The following MAGI2 variants were observed in gnomAD, a reference collection of about 807,000 sequenced individuals.
The protein encoded by MAGI2 is membrane associated guanylate kinase, WW and PDZ domain containing 2, also known as membrane-associated guanylate kinase, WW and PDZ domain-containing protein 2.
MAGI2 carries 35 observed loss-of-function variants against 133.3 expected under a neutral mutation model. That is an observed-to-expected ratio of 0.26 (90% CI 0.20 to 0.35). The LOEUF (loss-of-function observed/expected upper bound fraction) is 0.35. Among genes scored for constraint, MAGI2 ranks in the 10% least tolerant of loss-of-function variants. The probability of loss-of-function intolerance (pLI) is 1.00; values close to 1 mark genes in which losing one functional copy is unlikely to be tolerated. For synonymous variants in MAGI2, 729 were observed against 710.6 expected, an observed-to-expected ratio of 1.03 and a Z score of -0.41; for missense variants, 1,636 against 1,863.4, an observed-to-expected ratio of 0.88 and a Z score of 2.25.
chr7:78,797,039 A>G (rs1450580478), intron 2 of MAGI2, among the ~76,000 whole-genome samples: 3 of 152,146 alleles, frequency 2.0e-5, no homozygotes, highest in African/African-American at 7.2e-5. Context: ...ACAGTTAGAT[A>G]GAAGGAATAA....
At chr7:78,186,703 A>C (rs1163423975) in intron 12 of MAGI2, among the ~76,000 whole-genome samples, 2 of 152,204 alleles carry the variant, frequency 1.3e-5, no homozygotes, top group Non-Finnish European at 2.9e-5. Flanking sequence ...ACTATCTCAC[A>C]AGAAACTCTT....
chr7:79,278,133 C>G (rs1835369789), intron 1 of MAGI2, among the ~76,000 whole-genome samples: 1 of 152,136 alleles, frequency 6.6e-6, no homozygotes, highest in South Asian at 2.1e-4. Context: ...TGCACCATCT[C>G]CTTGGTGATG....
At chr7:79,130,896 C>T (rs901014883) in intron 1 of MAGI2, among the ~76,000 whole-genome samples, 1 of 143,448 alleles carries the variant, frequency 7.0e-6, no homozygotes, top group South Asian at 2.2e-4. Context: ...TGAAGAAAGT[C>T]ACCAATTCAT....
chr7:78,708,725 T>C (rs1818889508), intron 2 of MAGI2, among the ~76,000 whole-genome samples: 1 of 152,126 alleles, frequency 6.6e-6, no homozygotes, highest in African/African-American at 2.4e-5. Context: ...TCCTAAGTGG[T>C]AAGCTCACCC....
chr7:79,062,815 A>G (rs17151909), intron 1 of MAGI2, among the ~76,000 whole-genome samples: 2,809 of 152,196 alleles, frequency 0.018, 92 homozygotes, highest in African/African-American at 0.064. Context: ...TGATGAGTGC[A>G]ATGAGGAAAC....
At chr7:78,799,106 C>T (rs1317160790) in intron 2 of MAGI2, among the ~76,000 whole-genome samples, 1 of 152,160 alleles carries the variant, frequency 6.6e-6, no homozygotes, top group Admixed American at 6.6e-5. Context: ...CAGGACAGGT[C>T]ATCATCTGTC....
Position 79,294,736 on chromosome 7 carries a change from T to TTC in MAGI2, c.301+158283_301+158284insGA, listed in dbSNP as rs1554435756. Among the ~76,000 whole-genome samples the TTC allele has an allele frequency of 9.4e-4, 129 of 137,768 alleles. 1 individual carries two copies. The highest frequency in any genetic ancestry group is 3.4e-3 in the African/African-American group (125 of 37,124). The allele number at this position is 137,768 out of a possible 152,430, so 90.4% of individuals were successfully genotyped here. A position where few individuals can be genotyped will look rare whatever the true frequency, so the allele number is the denominator to read the frequency against. ...ATTTTGGTAGCTTTTTTTTTTTTTTTTTTTTTTTTCTGAGACGGAATCTCA... is the reference window on the plus strand; with the variant it reads ...ATTTTGGTAGCTTTTTTTTTTTTTTTTCTTTTTTTTTCTGAGACGGAATCTCA... On this transcript the variant is annotated intron_variant, in intron 1 of 21. Transcript: ENST00000354212.
intron 1 of MAGI2, among the ~76,000 whole-genome samples, chr7:79,269,723 G>C (rs2129557106): frequency 6.6e-6 from 1 of 152,086 alleles, no homozygotes; most frequent in East Asian, 1.9e-4. Context: ...GCTGTTTTTG[G>C]TTATTCCTGG....
intron 2 of MAGI2, among the ~76,000 whole-genome samples, chr7:79,006,153 T>G (rs1807418665): frequency 1.3e-5 from 2 of 152,214 alleles, no homozygotes; most frequent in East Asian, 3.9e-4. Flanking sequence ...TACATAACTC[T>G]GGTGGTTCAA....
At chr7:78,986,272 T>C (rs553979475) in intron 2 of MAGI2, among the ~76,000 whole-genome samples, 1 of 152,262 alleles carries the variant, frequency 6.6e-6, no homozygotes, top group South Asian at 2.1e-4. Context: ...AAAGGCTAAA[T>C]TGTTTTTGTA....
intron 6 of MAGI2, among the ~76,000 whole-genome samples, chr7:78,423,825 CAGA>C (rs1224248193): frequency 2.0e-5 from 3 of 152,110 alleles, no homozygotes; most frequent in East Asian, 3.9e-4. Context: ...GGATATCTGG[CAGA>C]AGAAGTTTCT....
chr7:79,276,005 T>G (rs558473164), intron 1 of MAGI2, among the ~76,000 whole-genome samples: 1 of 152,276 alleles, frequency 6.6e-6, no homozygotes, highest in Admixed American at 6.5e-5. Flanking sequence ...TATAAGGAGA[T>G]TAATGTTGTT....
At chr7:78,822,604 A>G (rs1431693422) in intron 2 of MAGI2, among the ~76,000 whole-genome samples, 1 of 152,182 alleles carries the variant, frequency 6.6e-6, no homozygotes, top group Non-Finnish European at 1.5e-5. Flanking sequence ...TTTCACAGAC[A>G]TATGCTCAAC....
intron 3 of MAGI2, among the ~76,000 whole-genome samples, chr7:78,587,132 T>C (rs1269098433): frequency 3.9e-5 from 6 of 152,198 alleles, no homozygotes; most frequent in Admixed American, 3.9e-4. Flanking sequence ...CAGTTCTATT[T>C]TTGATATTTT....
At chr7:79,307,071 AG>A (rs1837885088) in intron 1 of MAGI2, among the ~76,000 whole-genome samples, 1 of 152,106 alleles carries the variant, frequency 6.6e-6, no homozygotes, top group Non-Finnish European at 1.5e-5. Context: ...ACTCCTTCTG[AG>A]GGTATCTCAC....
At chr7:79,374,754 C>A (rs979793898) in intron 1 of MAGI2, among the ~76,000 whole-genome samples, 2 of 152,010 alleles carry the variant, frequency 1.3e-5, no homozygotes, top group Non-Finnish European at 2.9e-5. Flanking sequence ...AGAAACATTT[C>A]TTTATGGGTA....
At chr7:79,025,167 G>GGAATAC (rs1440323915) in intron 1 of MAGI2, among the ~76,000 whole-genome samples, 3 of 100,458 alleles carry the variant, frequency 3.0e-5, no homozygotes, top group African/African-American at 9.7e-5. Context: ...GGAATACCAT[G>GGAATAC]CAGCCATAAA....
chr7:78,928,627 G>C (rs1297654541), intron 2 of MAGI2, among the ~76,000 whole-genome samples: 1 of 152,024 alleles, frequency 6.6e-6, no homozygotes, highest in Non-Finnish European at 1.5e-5. Context: ...AAGGTGCTTA[G>C]GTAGGCCCTC....
intron 9 of MAGI2, among the ~76,000 whole-genome samples, chr7:78,336,865 T>C (rs1011557281): frequency 1.3e-5 from 2 of 152,192 alleles, no homozygotes; most frequent in African/African-American, 2.4e-5. Context: ...TTTCTTGTGA[T>C]TTTACTAATA....
Sources: allele counts gnomAD v4.1 joint callset (sites outside exome capture counted in the v4.1 genomes callset), GRCh38; gene constraint gnomAD v4.1.1; transcripts MANE v1.5; gene names NCBI Gene and HGNC (gene_info 2026-07-23, HGNC 2026-07-21).